The following HIP1 variants were observed in gnomAD, a reference collection of about 807,000 sequenced individuals.
The protein encoded by HIP1 is huntingtin interacting protein 1, also known as huntingtin-interacting protein 1.
HIP1 carries 65 observed loss-of-function variants against 147.6 expected under a neutral mutation model. The ratio of observed to expected loss-of-function variants is 0.44; its 90% confidence interval spans 0.36 to 0.54. The LOEUF is 0.54. HIP1 is among the 20% of genes least tolerant of loss of function. The pLI is 0.00. For synonymous variants in HIP1, 479 were observed against 504.0 expected (o/e 0.95, Z 0.67); for missense variants, 1,061 against 1,299.6 (o/e 0.82, Z 2.82).
In HIP1 at chr7:75,664,007, T is replaced by C. The variant is rs1554514054; in HGVS notation, c.121-64760A>G. 4.4e-4 allele frequency among the ~76,000 whole-genome samples: 9 copies of C among 20,362 alleles called. 3 individuals carry two copies. Among genetic ancestry groups the C allele is most frequent in the African/African-American group, 3.7e-3 (5 of 1,364 alleles). 13.4% of individuals were successfully genotyped at this position (20,362 alleles called of 152,430 possible). Reference sequence around the variant, plus strand: ...GTGTATATATATACACATATATGTGTATATATATACACATATATGTGTATA... The same window carrying C: ...GTGTATATATATACACATATATGTGCATATATATACACATATATGTGTATA... On this transcript the variant is annotated intron_variant, in intron 1 of 30. Transcript: ENST00000336926.
intron 20 of HIP1, 58 bp downstream of exon 20, chr7:75,554,382 C>T: frequency 1.4e-6 from 2 of 1,461,726 alleles, no homozygotes; most frequent in Non-Finnish European, 1.9e-6. Flanking sequence ...CATTCAGGTG[C>T]TTCTGAACCC....
intron 1 of HIP1, among the ~76,000 whole-genome samples, chr7:75,660,875 T>C (rs1554513490): frequency 6.6e-6 from 1 of 152,042 alleles, no homozygotes; most frequent in East Asian, 1.9e-4. Context: ...TGTTTATTAT[T>C]ATAGATAATG....
chr7:75,664,525 T>TACACACATATATAC (rs1563279679), intron 1 of HIP1, among the ~76,000 whole-genome samples: 3 of 150,452 alleles, frequency 2.0e-5, no homozygotes, highest in East Asian at 2.0e-4. Flanking sequence ...TGTATACGTA[T>TACACACATATATAC]ACATACATAT....
intron 1 of HIP1, among the ~76,000 whole-genome samples, chr7:75,688,542 G>A (rs1401509076): frequency 2.0e-5 from 3 of 152,022 alleles, no homozygotes; most frequent in African/African-American, 7.2e-5. Flanking sequence ...AGATCTGCTT[G>A]GGCATCCAGG....
At chr7:75,547,616 TTGA>T (rs1794619191) in intron 24 of HIP1, 136 bp downstream of exon 24, 1 of 747,298 alleles carries the variant, frequency 1.3e-6, no homozygotes, top group Non-Finnish European at 2.4e-6. Flanking sequence ...AATACTGTTA[TTGA>T]TGATTACATC....
intron 1 of HIP1, among the ~76,000 whole-genome samples, chr7:75,630,986 C>T (rs1395261513): frequency 6.6e-6 from 1 of 152,162 alleles, no homozygotes; most frequent in Non-Finnish European, 1.5e-5. Context: ...CAGGGTCCTG[C>T]TCTGTCACCC....
chr7:75,696,937 C>A (rs1428921103), intron 1 of HIP1, among the ~76,000 whole-genome samples: 5 of 151,704 alleles, frequency 3.3e-5, no homozygotes, highest in African/African-American at 9.7e-5. Flanking sequence ...GAGTGCTTTA[C>A]AACTCACAGG....
chr7:75,585,510 C>T (rs782088613), intron 5 of HIP1, among the ~76,000 whole-genome samples: 8 of 151,892 alleles, frequency 5.3e-5, no homozygotes, highest in South Asian at 2.1e-4. Flanking sequence ...CACCTTTCCC[C>T]GCCTCCTCAT....
rs58993055 is a variant in HIP1, at chr7:75,629,546, C to CT, written c.121-30300dup. ...CTTCAATTGCGGCTCCCCCGCTTTT[C>CT]TTTTTTTTTTTTTTGAGATGGAGTC... On this transcript the variant is annotated intron_variant, in intron 1 of 30. Coordinates refer to ENST00000336926, the MANE Select transcript of HIP1 (RefSeq NM_005338.7). Among the ~76,000 whole-genome samples the CT allele has an allele frequency of 1.5e-3, 212 of 145,660 alleles. 1 individual carries two copies. In the Middle Eastern group the frequency reaches 0.018, roughly 12 times the overall value.
intron 1 of HIP1, among the ~76,000 whole-genome samples, chr7:75,700,317 G>A (rs1554519095): frequency 6.6e-6 from 1 of 152,128 alleles, no homozygotes; most frequent in Non-Finnish European, 1.5e-5. Flanking sequence ...CAGCAATCAA[G>A]CCAGGTTCAG....
In HIP1 at chr7:75,586,777, T is replaced by A; in HGVS notation, c.441A>T (p.Arg147Ser). 2.5e-6 allele frequency: 4 copies of A among 1,613,514 alleles called. No individual in the cohort carries two copies. The highest frequency in any genetic ancestry group is 3.4e-6 in the Non-Finnish European group (4 of 1,179,540). The change falls in exon 5 of 31, where the codon AGA becomes AGT. Residue 147 changes from arginine (R) to serine (S), a missense_variant. Physicochemically the swap from Arg to Ser is moderately radical, Grantham distance 110. Around this residue, in one of 3 missense-constraint regions of HIP1, gnomAD observed 225 missense variants for 292.9 expected, o/e 0.77. Coordinates refer to ENST00000336926, the MANE Select transcript of HIP1 (RefSeq NM_005338.7). ...QLCSIYLKLL[R>S]TKMEYHTKNP... ...CTTTGGTGTGGTACTCCATCTTGGT[T>A]CTTAGCAGTTTCAGGTAGATGCTGC...
intron 8 of HIP1, among the ~76,000 whole-genome samples, chr7:75,572,282 A>C (rs1215227125): frequency 6.6e-6 from 1 of 152,010 alleles, no homozygotes; most frequent in African/African-American, 2.4e-5. Context: ...TCCAAACTAT[A>C]TATATTCTGC....
intron 1 of HIP1, among the ~76,000 whole-genome samples, chr7:75,736,674 G>T (rs1802029378): frequency 1.3e-5 from 2 of 152,050 alleles, no homozygotes; most frequent in South Asian, 4.1e-4. Context: ...TTCTTTTCAG[G>T]GGTCGGGTCC....
intron 1 of HIP1, among the ~76,000 whole-genome samples, chr7:75,628,827 C>T (rs187496456): frequency 1.6e-4 from 24 of 152,272 alleles, no homozygotes; most frequent in African/African-American, 4.8e-4. Context: ...TTCTCTCTTA[C>T]ATTATCTACA....
chr7:75,705,187 C>T (rs1800949510), intron 1 of HIP1, among the ~76,000 whole-genome samples: 1 of 152,110 alleles, frequency 6.6e-6, no homozygotes. Context: ...TCTCCCTTCC[C>T]CCAAGCCCCT....
rs1795496436 is a variant in HIP1, at chr7:75,568,506, C to T, written c.746-250G>A. On this transcript the variant is annotated intron_variant, in intron 8 of 30. Coordinates refer to ENST00000336926, the MANE Select transcript of HIP1 (RefSeq NM_005338.7). The surrounding 1 kb of genome is among the most constrained non-coding windows in gnomAD (Gnocchi z 4.1). The stretch of plus-strand genomic sequence containing the variant: ...TTAGTTCCTGAAGGACAAGCCATGC[C>T]GGGCACAATAGGGTGGAAATTGTGT... Among the ~76,000 whole-genome samples the T allele has an allele frequency of 1.3e-5, 2 of 152,152 alleles. No homozygotes were observed. The highest frequency in any genetic ancestry group is 2.9e-5 in the Non-Finnish European group (2 of 68,034).
chr7:75,592,553 C>T, intron 2 of HIP1, 39 bp from the exon 3 acceptor site: 1 of 1,599,066 alleles, frequency 6.3e-7, no homozygotes, highest in Non-Finnish European at 8.5e-7. Context: ...TGGGCTCTGC[C>T]AGTCACTGCA....
At chr7:75,539,679 T>C (rs1188722091) in intron 29 of HIP1, among the ~76,000 whole-genome samples, 1 of 152,172 alleles carries the variant, frequency 6.6e-6, no homozygotes, top group Middle Eastern at 3.2e-3. Flanking sequence ...TCTTCTTCCA[T>C]ATTATTCACC....
chr7:75,542,957 G>C lies in HIP1; in HGVS notation c.2784C>G (p.Asp928Glu). 6.2e-7 allele frequency: 1 copy of C among 1,613,494 alleles called. No homozygotes were observed. The highest frequency in any genetic ancestry group is 8.5e-7 in the Non-Finnish European group (1 of 1,179,704). ...VAASKVKADK[D>E]SPNLAQLQQA... ...GCTGCAGCTGGGCTAGGTTGGGGCT[G>C]TCCTTATCAGCTTTCACCTACCAGG... The change falls in exon 28 of 31, where the codon GAC (aspartate) becomes GAG (glutamate). Residue 928 changes from aspartate to glutamate, a missense_variant. Transcript: ENST00000336926.
Sources: allele counts gnomAD v4.1 joint callset (sites outside exome capture counted in the v4.1 genomes callset), GRCh38; gene constraint gnomAD v4.1.1; regional missense constraint gnomAD v4.1.1; non-coding constraint Gnocchi (gnomAD v3.1); transcripts MANE v1.5; gene names NCBI Gene and HGNC (gene_info 2026-07-23, HGNC 2026-07-21).